LCORL: variants seen among roughly 807,000 people sequenced by gnomAD.
LCORL encodes ligand-dependent nuclear receptor corepressor-like protein.
In LCORL, 41 loss-of-function variants were observed where a neutral mutation model predicts 141.8. That is an observed-to-expected ratio of 0.29 (90% CI 0.23 to 0.38). The LOEUF (loss-of-function observed/expected upper bound fraction) is 0.38. Among genes scored for constraint, LCORL ranks in the 10% least tolerant of loss-of-function variants. The pLI, the probability that LCORL is intolerant of heterozygous loss-of-function variation, is 1.00. For synonymous variants in LCORL, 618 were observed against 694.1 expected (o/e 0.89, Z 1.72); for missense variants, 1,759 against 2,035.0 (o/e 0.86, Z 2.61).
At chr4:17,897,753 C>A (rs1002568313) in intron 5 of LCORL, among the ~76,000 whole-genome samples, 1 of 152,150 alleles carries the variant, frequency 6.6e-6, no homozygotes, top group African/African-American at 2.4e-5. Flanking sequence ...AACATTGACT[C>A]CTGTATTCTT....
At chr4:17,915,282 CA>C (rs1733216182) in intron 4 of LCORL, among the ~76,000 whole-genome samples, 1 of 152,150 alleles carries the variant, frequency 6.6e-6, no homozygotes, top group Non-Finnish European at 1.5e-5. Context: ...CATTCTACAG[CA>C]ATCAAATCTC....
chr4:17,845,488 C>T, exon 8 of LCORL: 1 of 360,150 alleles, frequency 2.8e-6, no homozygotes, highest in Non-Finnish European at 5.0e-6. Context: ...AAAAAATTCA[C>T]ATAATACCAC....
chr4:17,972,089 C>G (rs1040550906), intron 2 of LCORL, among the ~76,000 whole-genome samples: 1 of 151,766 alleles, frequency 6.6e-6, no homozygotes, highest in Admixed American at 6.6e-5. Context: ...ATTTTGAAAA[C>G]TATGCCAGTG....
At chr4:18,019,642 T>C (rs191631369) in intron 1 of LCORL, among the ~76,000 whole-genome samples, 2 of 152,264 alleles carry the variant, frequency 1.3e-5, no homozygotes, top group Non-Finnish European at 2.9e-5. Context: ...TCTATTTTTA[T>C]GATGCAAAGC....
intron 1 of LCORL, among the ~76,000 whole-genome samples, chr4:17,985,735 T>A (rs1718842729): frequency 6.6e-6 from 1 of 152,182 alleles, no homozygotes; most frequent in Non-Finnish European, 1.5e-5. Flanking sequence ...TCTCTACTTT[T>A]CAAATAGTGC....
intron 4 of LCORL, among the ~76,000 whole-genome samples, chr4:17,954,695 A>T (rs1712217211): frequency 6.6e-6 from 1 of 152,166 alleles, no homozygotes; most frequent in South Asian, 2.1e-4. Flanking sequence ...ATGATGAGAC[A>T]TGGTGAGATT....
intron 5 of LCORL, among the ~76,000 whole-genome samples, chr4:17,898,877 T>C (rs143174773): frequency 1.3e-5 from 2 of 152,304 alleles, no homozygotes; most frequent in African/African-American, 4.8e-5. Context: ...CAAACGCTTA[T>C]AAAATGTAAG....
intron 5 of LCORL, among the ~76,000 whole-genome samples, chr4:17,891,729 AGAT>A (rs1729108256): frequency 3.9e-5 from 6 of 152,234 alleles, no homozygotes; most frequent in Admixed American, 2.6e-4. Flanking sequence ...TTTGATATAC[AGAT>A]GATGTAAATA....
At chr4:17,957,910 G>A (rs892957763) in intron 4 of LCORL, among the ~76,000 whole-genome samples, 1 of 151,952 alleles carries the variant, frequency 6.6e-6, no homozygotes, top group Non-Finnish European at 1.5e-5. Context: ...AATGAATCAT[G>A]TTAAATTTAC....
intron 1 of LCORL, among the ~76,000 whole-genome samples, chr4:17,988,552 T>C (rs76827430): frequency 0.023 from 3,502 of 152,318 alleles, 143 homozygotes; most frequent in African/African-American, 0.079. Context: ...TACCACAGTA[T>C]GTTAAACATC....
chr4:17,942,569 TAC>T (rs1738145253), intron 4 of LCORL, among the ~76,000 whole-genome samples: 1 of 152,160 alleles, frequency 6.6e-6, no homozygotes, highest in Non-Finnish European at 1.5e-5. Flanking sequence ...ATAGGATAAT[TAC>T]AGAGGCACAG....
At chr4:17,933,396 A>C (rs887856577) in intron 4 of LCORL, among the ~76,000 whole-genome samples, 1 of 151,834 alleles carries the variant, frequency 6.6e-6, no homozygotes, top group African/African-American at 2.4e-5. Context: ...TTTCATTTTC[A>C]TTCTCTTAGC....
At chr4:17,880,152 A>G (rs1235003756) in intron 6 of LCORL, among the ~76,000 whole-genome samples, 1 of 151,030 alleles carries the variant, frequency 6.6e-6, no homozygotes, top group African/African-American at 2.4e-5. Flanking sequence ...AGCTTAAAAA[A>G]GGTATAAATT....
At chr4:17,934,697 T>C (rs1736574283) in intron 4 of LCORL, among the ~76,000 whole-genome samples, 1 of 152,198 alleles carries the variant, frequency 6.6e-6, no homozygotes, top group Non-Finnish European at 1.5e-5. Flanking sequence ...TGCAGAATTA[T>C]GGAGCAACAG....
intron 7 of LCORL, among the ~76,000 whole-genome samples, chr4:17,860,611 A>G (rs1724890382): frequency 6.6e-6 from 1 of 152,108 alleles, no homozygotes; most frequent in Non-Finnish European, 1.5e-5. Flanking sequence ...TTCAAAACCA[A>G]TCATGCCTTC....
chr4:17,958,987 T>G (rs1472999120), intron 4 of LCORL, among the ~76,000 whole-genome samples: 3 of 152,068 alleles, frequency 2.0e-5, no homozygotes, highest in Admixed American at 2.0e-4. Flanking sequence ...ACCTTTGTCC[T>G]AGAACATCCT....
intron 1 of LCORL, among the ~76,000 whole-genome samples, chr4:17,981,488 G>A (rs1717977606): frequency 6.6e-6 from 1 of 152,088 alleles, no homozygotes. Flanking sequence ...CAGACACGGT[G>A]GCTCACGACT....
At chr4:17,972,380 GAACA>G (rs1183705621) in intron 2 of LCORL, among the ~76,000 whole-genome samples, 3 of 151,518 alleles carry the variant, frequency 2.0e-5, no homozygotes, top group African/African-American at 4.8e-5. Context: ...AATATTAAAA[GAACA>G]AACAAAAGTA....
chr4:18,010,542 C>T (rs532483546), intron 1 of LCORL, among the ~76,000 whole-genome samples: 3 of 152,102 alleles, frequency 2.0e-5, no homozygotes, highest in Admixed American at 6.5e-5. Flanking sequence ...CTCCGCCTCC[C>T]GGGTTCAAGC....
Sources: gnomAD v4.1 joint callset for allele counts (sites outside exome capture counted in the v4.1 genomes callset) on GRCh38, gnomAD v4.1.1 for gene constraint, MANE v1.5 for transcripts, NCBI Gene and HGNC (gene_info 2026-07-23, HGNC 2026-07-21) for gene names.